The following ADGRL3 variants were observed in gnomAD, a reference collection of about 807,000 sequenced individuals.
ADGRL3 encodes calcium-independent alpha-latrotoxin receptor 3.
Under a neutral mutation model 153.5 loss-of-function variants are expected in ADGRL3, and 62 were observed. The observed-to-expected ratio is 0.40, with a 90% CI of 0.33 to 0.50. ADGRL3 has a LOEUF of 0.50. Ranked by LOEUF, ADGRL3 falls within the 20% of genes least tolerant of loss-of-function variation. The pLI, the probability that ADGRL3 is intolerant of heterozygous loss-of-function variation, is 0.47. For missense variants in ADGRL3, 1,641 were observed against 1,859.4 expected (o/e 0.88, Z 2.16); for synonymous variants, 710 against 672.5 (o/e 1.06, Z -0.86).
chr4:61,567,791 G>A (rs1239615490), intron 4 of ADGRL3, among the ~76,000 whole-genome samples: 1 of 152,188 alleles, frequency 6.6e-6, no homozygotes, highest in Non-Finnish European at 1.5e-5. Context: ...GTATCTTGCA[G>A]TCTTGGAACT....
chr4:61,234,416 T>G (rs1428819438), intron 1 of ADGRL3, among the ~76,000 whole-genome samples: 1 of 152,236 alleles, frequency 6.6e-6, no homozygotes, highest in African/African-American at 2.4e-5. Context: ...CCTGGGTCCC[T>G]CCCACAACAT....
intron 5 of ADGRL3, among the ~76,000 whole-genome samples, chr4:61,632,334 C>T (rs1216581847): frequency 6.6e-6 from 1 of 152,176 alleles, no homozygotes. Flanking sequence ...GAATATCTTA[C>T]TGAGTCTTTA....
intron 1 of ADGRL3, among the ~76,000 whole-genome samples, chr4:61,231,139 AG>A (rs1292012205): frequency 6.6e-6 from 1 of 152,222 alleles, no homozygotes; most frequent in Non-Finnish European, 1.5e-5. Context: ...AGTAGAAAAA[AG>A]TCTGTGCGGA....
chr4:61,647,280 A>G (rs1305883733), intron 5 of ADGRL3, among the ~76,000 whole-genome samples: 2 of 152,102 alleles, frequency 1.3e-5, no homozygotes, highest in African/African-American at 4.8e-5. Context: ...AGCTTTTCCT[A>G]TTCGGCCATC....
At chr4:61,310,875 G>T (rs1188711343) in intron 1 of ADGRL3, among the ~76,000 whole-genome samples, 1 of 151,856 alleles carries the variant, frequency 6.6e-6, no homozygotes, top group East Asian at 1.9e-4. Flanking sequence ...AATAAATTAT[G>T]AATGTTACAG....
chr4:61,373,826 C>T (rs1317112237), intron 1 of ADGRL3, among the ~76,000 whole-genome samples: 1 of 152,040 alleles, frequency 6.6e-6, no homozygotes, highest in Non-Finnish European at 1.5e-5. Context: ...TTTTAATGAA[C>T]CTTATTTGAA....
intron 2 of ADGRL3, among the ~76,000 whole-genome samples, chr4:61,444,598 A>G (rs2097561443): frequency 6.6e-6 from 1 of 151,976 alleles, no homozygotes; most frequent in Non-Finnish European, 1.5e-5. Context: ...ATGCTCTGTT[A>G]TACTTTCACC....
chr4:61,451,456 A>T (rs1321898102), intron 2 of ADGRL3, among the ~76,000 whole-genome samples: 1 of 152,206 alleles, frequency 6.6e-6, no homozygotes, highest in Non-Finnish European at 1.5e-5. Flanking sequence ...GAATGCTAAT[A>T]GATTGAACAA....
chr4:61,855,794 T>C (rs532704329), intron 9 of ADGRL3, among the ~76,000 whole-genome samples: 2 of 152,192 alleles, frequency 1.3e-5, no homozygotes, highest in Non-Finnish European at 2.9e-5. Context: ...CACTATTTAT[T>C]GAATGCCTAC....
At chr4:61,229,378 TA>T (rs1749499390) in intron 1 of ADGRL3, among the ~76,000 whole-genome samples, 1 of 152,220 alleles carries the variant, frequency 6.6e-6, no homozygotes, top group Non-Finnish European at 1.5e-5. Flanking sequence ...TCAATGAAAG[TA>T]ATTACCTTGG....
At chr4:61,396,769 G>T (rs1488769609) in intron 2 of ADGRL3, among the ~76,000 whole-genome samples, 1 of 151,782 alleles carries the variant, frequency 6.6e-6, no homozygotes, top group African/African-American at 2.4e-5. Context: ...TCCAGCAAAT[G>T]GATTCATTTA....
intron 11 of ADGRL3, among the ~76,000 whole-genome samples, chr4:61,906,099 A>G (rs1384889446): frequency 6.6e-6 from 1 of 151,690 alleles, no homozygotes; most frequent in Non-Finnish European, 1.5e-5. Flanking sequence ...AAACAAAAAT[A>G]TTGTATATAT....
intron 5 of ADGRL3, among the ~76,000 whole-genome samples, chr4:61,636,965 C>T (rs2093448788): frequency 1.3e-5 from 2 of 151,858 alleles, no homozygotes; most frequent in South Asian, 4.1e-4. Flanking sequence ...TGAAGGTATA[C>T]TATTATAAGG....
chr4:61,744,581 C>T (rs112062595), intron 8 of ADGRL3, among the ~76,000 whole-genome samples: 13,280 of 152,208 alleles, frequency 0.087, 1,233 homozygotes, highest in African/African-American at 0.24. Context: ...CTGCAGCCAC[C>T]GCTGCTGGTA....
chr4:61,588,158 T>C (rs2098954317), intron 5 of ADGRL3, among the ~76,000 whole-genome samples: 1 of 151,828 alleles, frequency 6.6e-6, no homozygotes, highest in Admixed American at 6.6e-5. Flanking sequence ...ATTTGTTCAC[T>C]ATTACTATGC....
At chr4:61,600,125 T>C (rs1418557796) in intron 5 of ADGRL3, among the ~76,000 whole-genome samples, 1 of 151,798 alleles carries the variant, frequency 6.6e-6, no homozygotes, top group Non-Finnish European at 1.5e-5. Flanking sequence ...CTGGCCAACA[T>C]GATGAAACCC....
At chr4:61,775,849 A>G (rs749961393) in intron 8 of ADGRL3, 44 of 517,626 alleles carry the variant, frequency 8.5e-5, no homozygotes, top group Non-Finnish European at 1.5e-4. Flanking sequence ...TTCCTCGGCC[A>G]TGGCGGTGGG....
At chr4:62,054,769 A>G (rs1310264066) in intron 25 of ADGRL3, among the ~76,000 whole-genome samples, 1 of 151,712 alleles carries the variant, frequency 6.6e-6, no homozygotes, top group Non-Finnish European at 1.5e-5. Context: ...ATGTCTACAA[A>G]TTAATAAATG....
chr4:61,347,549 C>G (rs998906773), intron 1 of ADGRL3, among the ~76,000 whole-genome samples: 2 of 152,028 alleles, frequency 1.3e-5, no homozygotes, highest in African/African-American at 4.8e-5. Flanking sequence ...CCTACGTTAA[C>G]CCCCCTTCCC....
Sources: allele counts gnomAD v4.1 joint callset (sites outside exome capture counted in the v4.1 genomes callset), GRCh38; gene constraint gnomAD v4.1.1; transcripts MANE v1.5; gene names NCBI Gene and HGNC (gene_info 2026-07-23, HGNC 2026-07-21).